Variants in CHN2 observed in about 807,000 individuals in gnomAD.
The protein encoded by CHN2 is beta-chimaerin.
In CHN2, 35 loss-of-function variants were observed where a neutral mutation model predicts 56.3. That is an observed-to-expected ratio of 0.62 (90% CI 0.47 to 0.82). The LOEUF is 0.82. CHN2 is among the 40% of genes least tolerant of loss of function. The pLI is 0.00. For missense variants in CHN2, 491 were observed against 580.5 expected (o/e 0.85, Z 1.58); for synonymous variants, 210 against 212.8 (o/e 0.99, Z 0.12).
chr7:29,172,122 GA>G (rs1238005446), intron 2 of CHN2, among the ~76,000 whole-genome samples: 1 of 152,134 alleles, frequency 6.6e-6, no homozygotes, highest in Non-Finnish European at 1.5e-5. Flanking sequence ...TTGCCACCTA[GA>G]AGGAACCCAG....
intron 11 of CHN2, 47 bp from the exon 12 acceptor site, chr7:29,509,254 T>C: frequency 7.0e-7 from 1 of 1,428,050 alleles, no homozygotes; most frequent in Non-Finnish European, 9.8e-7. Flanking sequence ...TCTGAAAACT[T>C]GAATGCCACA....
At chr7:29,382,477 G>T (rs1800592194) in intron 3 of CHN2, among the ~76,000 whole-genome samples, 1 of 152,178 alleles carries the variant, frequency 6.6e-6, no homozygotes, top group Non-Finnish European at 1.5e-5. Context: ...TCTTTCCATG[G>T]ATACCCCTTT....
intron 6 of CHN2, among the ~76,000 whole-genome samples, chr7:29,477,127 T>C (rs1786672630): frequency 6.6e-6 from 1 of 152,186 alleles, no homozygotes. Flanking sequence ...GAGATTACTG[T>C]AATCAGTTTT....
chr7:29,458,388 C>T lies in CHN2; in HGVS notation c.577-21891C>T, dbSNP rs867393626. On this transcript the variant is annotated intron_variant, in intron 6 of 12. Coordinates refer to ENST00000222792, the MANE Select transcript of CHN2 (RefSeq NM_004067.4). The stretch of plus-strand genomic sequence containing the variant: ...AGGAGCATAGCTGTGCACACACACA[C>T]ACACACACACACACACACACACACA... 6.4e-3 allele frequency among the ~76,000 whole-genome samples: 491 copies of T among 76,466 alleles called. 4 individuals are homozygous for T. The highest frequency in any genetic ancestry group is 0.025 in the South Asian group (57 of 2,310). 50.2% of individuals were successfully genotyped at this position (76,466 alleles called of 152,430 possible).
intron 6 of CHN2, among the ~76,000 whole-genome samples, chr7:29,409,131 C>T (rs535701035): frequency 6.6e-6 from 1 of 152,298 alleles, no homozygotes; most frequent in African/African-American, 2.4e-5. Flanking sequence ...AGCCTGTGCT[C>T]CTTCTCTGCA....
At chr7:29,150,811 AAC>A (rs1793486583) in intron 2 of CHN2, among the ~76,000 whole-genome samples, 1 of 152,332 alleles carries the variant, frequency 6.6e-6, no homozygotes, top group South Asian at 2.1e-4. Context: ...GTAGCCTGGA[AAC>A]ACAGCTCAGA....
chr7:29,148,321 A>G (rs952502124), intron 2 of CHN2, among the ~76,000 whole-genome samples: 14 of 152,246 alleles, frequency 9.2e-5, no homozygotes, highest in African/African-American at 3.4e-4. Context: ...TAAACACAGG[A>G]GGAGCCATGC....
chr7:29,413,427 T>C (rs1803432671), intron 6 of CHN2, among the ~76,000 whole-genome samples: 2 of 152,234 alleles, frequency 1.3e-5, no homozygotes, highest in African/African-American at 2.4e-5. Flanking sequence ...ACAGTACATA[T>C]AAATTCCATG....
At chr7:29,360,780 A>G (rs770209812) in intron 2 of CHN2, among the ~76,000 whole-genome samples, 1 of 152,192 alleles carries the variant, frequency 6.6e-6, no homozygotes, top group Admixed American at 6.5e-5. Flanking sequence ...TCCCTGCAGG[A>G]TCTCTTAGGA....
intron 6 of CHN2, among the ~76,000 whole-genome samples, chr7:29,432,314 A>G (rs1183504518): frequency 6.6e-6 from 1 of 152,214 alleles, no homozygotes; most frequent in East Asian, 1.9e-4. Context: ...TGATGTCCCA[A>G]TAGGCTATTG....
chr7:29,178,485 C>A (rs1584587036), intron 2 of CHN2, among the ~76,000 whole-genome samples: 1 of 152,104 alleles, frequency 6.6e-6, no homozygotes, highest in Non-Finnish European at 1.5e-5. Context: ...ATCTGCTGTT[C>A]CCTCCTCCAG....
intron 2 of CHN2, among the ~76,000 whole-genome samples, chr7:29,176,118 G>T (rs1001468097): frequency 1.3e-5 from 2 of 151,852 alleles, no homozygotes; most frequent in African/African-American, 2.4e-5. Context: ...CCTGGGAGGC[G>T]GAGCTTACAG....
rs11405147 is a variant in CHN2 at position 29,238,015 on chromosome 7, CTTTTTTTTTT to C, written c.49+43037_49+43046del. On this transcript the variant is annotated intron_variant, in intron 1 of 12. Coordinates refer to ENST00000222792, the MANE Select transcript of CHN2 (RefSeq NM_004067.4). ...ACACTCATACTTTAATATGTATTCT[CTTTTTTTTTT>C]TTTTTTTTTTTAGAAGGAGTGTCAC... Among the ~76,000 whole-genome samples the C allele has an allele frequency of 5.7e-5, 6 of 106,004 alleles. No individual in the cohort carries two copies. The East Asian group carries it at 1.7e-3, about 30-fold the overall frequency. The allele number at this position is 106,004 out of a possible 152,430, so 69.5% of individuals were successfully genotyped here. A position where few individuals can be genotyped will look rare whatever the true frequency, so the allele number is the denominator to read the frequency against.
intron 6 of CHN2, among the ~76,000 whole-genome samples, chr7:29,424,323 G>C (rs1804634824): frequency 6.6e-6 from 1 of 152,154 alleles, no homozygotes; most frequent in Non-Finnish European, 1.5e-5. Flanking sequence ...AAACACATAG[G>C]GAAGACCCTT....
chr7:29,172,162 G>GA (rs1389069822), intron 2 of CHN2, among the ~76,000 whole-genome samples: 1 of 152,074 alleles, frequency 6.6e-6, no homozygotes, highest in Admixed American at 6.5e-5. Flanking sequence ...TATATGGGGG[G>GA]ATTCCTGCAA....
intron 6 of CHN2, among the ~76,000 whole-genome samples, chr7:29,461,593 A>C (rs1330281660): frequency 6.6e-6 from 1 of 152,246 alleles, no homozygotes; most frequent in Non-Finnish European, 1.5e-5. Context: ...TTCATGTTTC[A>C]TGTGTGAAGC....
chr7:29,315,978 T>G (rs1794930939), intron 1 of CHN2, among the ~76,000 whole-genome samples: 1 of 152,188 alleles, frequency 6.6e-6, no homozygotes, highest in Non-Finnish European at 1.5e-5. Flanking sequence ...ATTCACCTAG[T>G]AGAGCACAAA....
chr7:29,276,037 T>C (rs552760384), intron 1 of CHN2, among the ~76,000 whole-genome samples: 15 of 146,728 alleles, frequency 1.0e-4, no homozygotes, highest in African/African-American at 3.2e-4. Flanking sequence ...CCTGCACATG[T>C]TCCCCCGAAT....
chr7:29,335,800 A>G (rs1034714), intron 1 of CHN2: 125,451 of 152,266 alleles, frequency 0.82, 51,836 homozygotes, highest in Middle Eastern at 0.9. Context: ...AAGCAGTACC[A>G]ATGGCTGTGC....
Sources: allele counts gnomAD v4.1 joint callset (sites outside exome capture counted in the v4.1 genomes callset), GRCh38; gene constraint gnomAD v4.1.1; transcripts MANE v1.5; gene names NCBI Gene and HGNC (gene_info 2026-07-23, HGNC 2026-07-21).